Variants in RFC3 observed in about 807,000 individuals in gnomAD.
The protein encoded by RFC3 is A1 38 kDa subunit.
A neutral mutation model predicts 45.1 loss-of-function variants in RFC3; 41 were observed. That is an observed-to-expected ratio of 0.91 (90% confidence interval 0.71 to 1.18). The LOEUF (loss-of-function observed/expected upper bound fraction) is 1.18, where lower values mean the gene tolerates loss of function less well. Among genes scored for constraint, RFC3 ranks in the 50% most tolerant of loss-of-function variants. RFC3 has a pLI of 0.00. For synonymous variants in RFC3, 149 were observed against 144.0 expected (o/e 1.03, Z -0.25); for missense variants, 423 against 428.1 (o/e 0.99, Z 0.10).
intron 5 of RFC3, among the ~76,000 whole-genome samples, 165 bp downstream of exon 5, chr13:33,830,182 C>G (rs1184632367): frequency 2.0e-5 from 3 of 152,172 alleles, no homozygotes; most frequent in Non-Finnish European, 4.4e-5. Flanking sequence ...TTGTAAATAC[C>G]AGATGCCAAT....
chr13:33,828,859 G>A (rs1029872502), intron 4 of RFC3, among the ~76,000 whole-genome samples: 2 of 152,138 alleles, frequency 1.3e-5, no homozygotes, highest in African/African-American at 2.4e-5. Context: ...CAAATTGGCC[G>A]CACCATGGTT....
At chr13:33,970,302 A>G (rs1344546380), downstream of RFC3, among the ~76,000 whole-genome samples, 1 of 152,178 alleles carries the variant, frequency 6.6e-6, no homozygotes, top group African/African-American at 2.4e-5. Context: ...TCCATGGTAT[A>G]TATGTACCAT....
At chr13:33,879,756 T>C (rs1464399126) in intron 8 of RFC3, among the ~76,000 whole-genome samples, 1 of 152,244 alleles carries the variant, frequency 6.6e-6, no homozygotes, top group Non-Finnish European at 1.5e-5. Context: ...ATATCGCTTA[T>C]CTTTTACAGT....
chr13:33,902,743 C>T (rs951771356), intron 8 of RFC3, among the ~76,000 whole-genome samples: 1 of 151,924 alleles, frequency 6.6e-6, no homozygotes, highest in African/African-American at 2.4e-5. Flanking sequence ...CTTTTGTGAA[C>T]TGACAGTCCG....
chr13:33,835,081 C>T, intron 7 of RFC3, 67 bp from the exon 8 acceptor site: 3 of 929,820 alleles, frequency 3.2e-6, no homozygotes, highest in Non-Finnish European at 3.4e-6. Flanking sequence ...TAAAACCATA[C>T]AGTGGGAATT....
At chr13:33,870,590 G>C (rs1197949885) in intron 8 of RFC3, among the ~76,000 whole-genome samples, 1 of 152,206 alleles carries the variant, frequency 6.6e-6, no homozygotes, top group African/African-American at 2.4e-5. Flanking sequence ...TGGGGTGAAG[G>C]CTGCTGCAGG....
At chr13:33,903,729 G>T (rs970619161) in intron 8 of RFC3, among the ~76,000 whole-genome samples, 1 of 152,020 alleles carries the variant, frequency 6.6e-6, no homozygotes, top group East Asian at 1.9e-4. Flanking sequence ...TATTAGTTAG[G>T]TTTATTTCAT....
At chr13:33,897,317 G>T (rs1407748543) in intron 8 of RFC3, among the ~76,000 whole-genome samples, 1 of 151,600 alleles carries the variant, frequency 6.6e-6, no homozygotes, top group East Asian at 1.9e-4. Flanking sequence ...TCTATTTTTT[G>T]TGTGATCTAA....
chr13:33,826,493 G>A lies in RFC3; in HGVS notation c.391+607G>A, dbSNP rs76064656. Among the ~76,000 whole-genome samples the A allele has an allele frequency of 9.2e-3, 1,404 of 152,212 alleles. 28 individuals carry two copies. The highest frequency in any genetic ancestry group is 0.032 in the African/African-American group (1,330 of 41,540). On this transcript the variant is annotated intron_variant, in intron 4 of 8. Transcript: ENST00000380071. ...ATAGTGTTTTGTTCTTCTTTAGTGAGTGTGATAAATTTTTCCTTTATTGCT... is the reference window on the plus strand; with the variant it reads ...ATAGTGTTTTGTTCTTCTTTAGTGAATGTGATAAATTTTTCCTTTATTGCT...
chr13:33,894,272 C>G (rs1455370220), intron 8 of RFC3, among the ~76,000 whole-genome samples: 1 of 152,068 alleles, frequency 6.6e-6, no homozygotes, highest in Admixed American at 6.6e-5. Flanking sequence ...ATAACCCTAC[C>G]CAGTACTGGA....
chr13:33,872,998 T>C (rs1299202651), intron 8 of RFC3, among the ~76,000 whole-genome samples: 1 of 152,172 alleles, frequency 6.6e-6, no homozygotes, highest in Non-Finnish European at 1.5e-5. Context: ...AACCTAGGCC[T>C]GTGACTAGAA....
At chr13:33,883,359 T>G (rs1270276910) in intron 8 of RFC3, among the ~76,000 whole-genome samples, 1 of 152,230 alleles carries the variant, frequency 6.6e-6, no homozygotes, top group African/African-American at 2.4e-5. Context: ...CCCACTTCAC[T>G]GAAATAATGA....
intron 8 of RFC3, among the ~76,000 whole-genome samples, chr13:33,844,883 C>T (rs1329013225): frequency 6.6e-6 from 1 of 152,136 alleles, no homozygotes; most frequent in Non-Finnish European, 1.5e-5. Flanking sequence ...AGTCTTGTAC[C>T]TTCAGATGAT....
chr13:33,822,635 C>T (rs555180488), intron 2 of RFC3, among the ~76,000 whole-genome samples: 1 of 152,174 alleles, frequency 6.6e-6, no homozygotes, highest in Non-Finnish European at 1.5e-5. Flanking sequence ...GATAAGCCAG[C>T]AGTGTGTCAT....
chr13:33,947,511 C>T (rs181007624), intron 8 of RFC3, among the ~76,000 whole-genome samples: 53 of 151,836 alleles, frequency 3.5e-4, no homozygotes, highest in African/African-American at 1.2e-3. Flanking sequence ...TATAATGATA[C>T]TCAAAAATGT....
At chr13:33,853,583 C>T (rs866666501) in intron 8 of RFC3, among the ~76,000 whole-genome samples, 14 of 152,052 alleles carry the variant, frequency 9.2e-5, no homozygotes, top group African/African-American at 1.7e-4. Context: ...AGGCAGGATA[C>T]GCTGGAGGAA....
downstream of RFC3, among the ~76,000 whole-genome samples, chr13:33,969,087 A>G (rs7321133): frequency 0.015 from 2,360 of 152,350 alleles, 68 homozygotes; most frequent in African/African-American, 0.055. Context: ...TCAACAAATG[A>G]GATCTGACAA....
intron 8 of RFC3, among the ~76,000 whole-genome samples, chr13:33,915,625 T>C (rs977786865): frequency 6.6e-6 from 1 of 152,124 alleles, no homozygotes; most frequent in Admixed American, 6.6e-5. Flanking sequence ...ATTTCCAATG[T>C]CAGAATAGTT....
intron 8 of RFC3, among the ~76,000 whole-genome samples, chr13:33,914,750 T>C (rs958762999): frequency 6.6e-6 from 1 of 152,176 alleles, no homozygotes; most frequent in Non-Finnish European, 1.5e-5. Context: ...ATTATGCAGC[T>C]ATTTATAATG....
Sources: gnomAD v4.1 joint callset for allele counts (sites outside exome capture counted in the v4.1 genomes callset) on GRCh38, gnomAD v4.1.1 for gene constraint, MANE v1.5 for transcripts, NCBI Gene and HGNC (gene_info 2026-07-23, HGNC 2026-07-21) for gene names.